The following CEP112 variants were observed in gnomAD, a reference collection of about 807,000 sequenced individuals.
The protein encoded by CEP112 is centrosomal protein 112, also known as centrosomal protein of 112 kDa.
Under a neutral mutation model 153.0 loss-of-function variants are expected in CEP112, and 127 were observed. The observed-to-expected ratio is 0.83, with a 90% CI of 0.72 to 0.96. The LOEUF (loss-of-function observed/expected upper bound fraction) is 0.96, where lower values mean the gene tolerates loss of function less well. Ranked by LOEUF, CEP112 falls within the 40% of genes least tolerant of loss-of-function variation. The pLI, the probability that CEP112 is intolerant of heterozygous loss-of-function variation, is 0.00. For synonymous variants in CEP112, 358 were observed against 374.4 expected (o/e 0.96, Z 0.51); for missense variants, 1,089 against 1,101.2 (o/e 0.99, Z 0.16).
chr17:65,937,524 G>C (rs2061361688), intron 18 of CEP112, among the ~76,000 whole-genome samples: 1 of 140,296 alleles, frequency 7.1e-6, no homozygotes, highest in African/African-American at 2.5e-5. Context: ...TGAGAAGTGA[G>C]GAGCCCCTCT....
At position 65,743,210 on chromosome 17, in the gene CEP112, G is replaced by A. The variant is rs927264170; in HGVS notation, c.2465C>T (p.Ala822Val). Residue 822 changes from alanine (A) to valine (V), a missense_variant, in exon 23 of 27, where the codon GCA becomes GTA. Ala to Val is a moderately conservative substitution (Grantham distance 64, BLOSUM62 0). Transcript: ENST00000535342. The stretch of plus-strand genomic sequence containing the variant: ...AGAGGAAATGGTTGTCTGAAGTTCT[G>A]CTATGATCTAAAATGAAAACAGCAT... Reference protein sequence around the residue: ...QKLAKSSQIIAELQTTISSLK... With the variant: ...QKLAKSSQIIVELQTTISSLK... The A allele has an allele frequency of 6.2e-7, 1 of 1,605,378 alleles. No homozygotes were observed. The highest frequency in any genetic ancestry group is 8.5e-7 in the Non-Finnish European group (1 of 1,177,608).
chr17:65,861,855 C>G (rs896214178), intron 20 of CEP112, among the ~76,000 whole-genome samples: 1 of 152,168 alleles, frequency 6.6e-6, no homozygotes, highest in African/African-American at 2.4e-5. Context: ...AAGTTGGACA[C>G]GTTCATAAGC....
At chr17:65,720,993 A>ATCTC (rs1311977514) in intron 23 of CEP112, among the ~76,000 whole-genome samples, 2 of 128,246 alleles carry the variant, frequency 1.6e-5, no homozygotes, top group African/African-American at 3.3e-5. Context: ...TTTAAGTTTT[A>ATCTC]TCTCTCTCTC....
chr17:65,796,592 G>A (rs996457241), intron 21 of CEP112, among the ~76,000 whole-genome samples: 17 of 152,158 alleles, frequency 1.1e-4, no homozygotes, highest in African/African-American at 4.1e-4. Flanking sequence ...CAAGGCTGCA[G>A]TGAGCTCTGA....
chr17:65,655,504 C>G (rs1174872548), intron 24 of CEP112: 25 of 627,316 alleles, frequency 4.0e-5, no homozygotes, highest in Non-Finnish European at 6.3e-5. Context: ...TACATGTTGA[C>G]TTTATTTTGT....
At chr17:65,821,518 ATATATATATATATATATATATATTTT>A (rs2056559511) in intron 21 of CEP112, among the ~76,000 whole-genome samples, 1 of 27,548 alleles carries the variant, frequency 3.6e-5, no homozygotes, top group African/African-American at 1.5e-4. Context: ...ATATAATTAT[ATATATATATATATATATATATATTTT>A]TTTTTTTTTT....
intron 6 of CEP112, among the ~76,000 whole-genome samples, chr17:66,106,942 C>T (rs1047427350): frequency 6.6e-6 from 1 of 151,970 alleles, no homozygotes; most frequent in African/African-American, 2.4e-5. Flanking sequence ...AAAAATCATT[C>T]ATCATGACCA....
chr17:66,025,186 G>A (rs1201053003), intron 16 of CEP112, among the ~76,000 whole-genome samples: 1 of 152,068 alleles, frequency 6.6e-6, no homozygotes, highest in Non-Finnish European at 1.5e-5. Flanking sequence ...ACAAATACTG[G>A]AAGAAAACCT....
At chr17:65,749,543 A>G (rs946465704) in intron 22 of CEP112, among the ~76,000 whole-genome samples, 1 of 151,956 alleles carries the variant, frequency 6.6e-6, no homozygotes, top group African/African-American at 2.4e-5. Context: ...AATAAAATAA[A>G]AGGAAGGGAT....
At chr17:65,931,135 G>A (rs1302622666) in intron 18 of CEP112, among the ~76,000 whole-genome samples, 3 of 152,072 alleles carry the variant, frequency 2.0e-5, no homozygotes, top group Admixed American at 6.6e-5. Context: ...CATGGTATGC[G>A]AAGTAAAGAT....
intron 17 of CEP112, among the ~76,000 whole-genome samples, chr17:65,989,437 A>G (rs1440867664): frequency 6.6e-6 from 1 of 151,810 alleles, no homozygotes; most frequent in African/African-American, 2.4e-5. Flanking sequence ...AAAACCATAC[A>G]GCCCAGGAGG....
At chr17:65,877,342 A>G (rs2058870261) in intron 20 of CEP112, among the ~76,000 whole-genome samples, 1 of 152,222 alleles carries the variant, frequency 6.6e-6, no homozygotes, top group Non-Finnish European at 1.5e-5. Flanking sequence ...CTCAAACACA[A>G]AGAGCTGGAA....
chr17:65,635,909 A>G lies in CEP112; in HGVS notation c.*62T>C. 6.4e-7 allele frequency: 1 copy of G among 1,561,564 alleles called. No individual in the cohort carries two copies. On this transcript the variant is annotated 3_prime_UTR_variant, in exon 27 of 27. Transcript: ENST00000535342. ...CAGTTTACAATATCCAAATCTTCAA[A>G]CCTGCTGGAAGAAGTCCACAGCACA...
rs184780210 is a variant in CEP112, at chr17:65,859,214, C to T, written c.2164-7180G>A. The stretch of plus-strand genomic sequence containing the variant: ...GTCTTAGCACTTTGAGAGGCCGAGG[C>T]GGGCAGATCACGAAGTCAGGAGTTC... On this transcript the variant is annotated intron_variant, in intron 20 of 26. Coordinates refer to ENST00000535342, the MANE Select transcript of CEP112 (RefSeq NM_001199165.4). 5.1e-3 allele frequency among the ~76,000 whole-genome samples: 774 copies of T among 151,912 alleles called. 33 individuals carry two copies. Among genetic ancestry groups the T allele is most frequent in the Admixed American group, 0.045 (680 of 15,264 alleles).
At chr17:65,920,399 AT>A (rs2060673876) in intron 19 of CEP112, among the ~76,000 whole-genome samples, 9 of 112,842 alleles carry the variant, frequency 8.0e-5, no homozygotes, top group Admixed American at 1.9e-4. Context: ...ATATATATAT[AT>A]ATATAATTAT....
chr17:65,911,424 A>G (rs1399623297), intron 19 of CEP112, among the ~76,000 whole-genome samples: 1 of 152,222 alleles, frequency 6.6e-6, no homozygotes, highest in East Asian at 1.9e-4. Context: ...TGCCCTCAAA[A>G]TTGAACCACA....
At chr17:66,004,360 G>A (rs768952264) in intron 17 of CEP112, among the ~76,000 whole-genome samples, 22 of 152,184 alleles carry the variant, frequency 1.4e-4, no homozygotes, top group Admixed American at 4.6e-4. Flanking sequence ...GCGTGGTGGC[G>A]TGTGCCTGTA....
chr17:65,989,267 G>T (rs1222729637), intron 17 of CEP112, among the ~76,000 whole-genome samples: 1 of 147,472 alleles, frequency 6.8e-6, no homozygotes, highest in African/African-American at 2.5e-5. Context: ...AAAGAAAAAA[G>T]AAAACACCAA....
intron 19 of CEP112, among the ~76,000 whole-genome samples, chr17:65,906,106 T>A (rs1243119440): frequency 6.6e-6 from 1 of 152,166 alleles, no homozygotes; most frequent in Non-Finnish European, 1.5e-5. Flanking sequence ...GATGAGTTCA[T>A]GTCCTTTGCA....
Sources: gnomAD v4.1 joint callset for allele counts (sites outside exome capture counted in the v4.1 genomes callset) on GRCh38, gnomAD v4.1.1 for gene constraint, MANE v1.5 for transcripts, NCBI Gene and HGNC (gene_info 2026-07-23, HGNC 2026-07-21) for gene names.